Variants in CSTPP1 observed in about 807,000 individuals in gnomAD.
CSTPP1 encodes UPF0705 protein C11orf49.
At chr11:47,082,465 T>C in the CSTPP1 span, among the ~76,000 whole-genome samples, 1 of 134,680 alleles carries the variant, frequency 7.4e-6, no homozygotes, top group East Asian at 2.2e-4. Context: ...AAAAACTCAG[T>C]AGAAGATTGA....
At chr11:47,035,427 T>C in the CSTPP1 span, among the ~76,000 whole-genome samples, 1 of 152,214 alleles carries the variant, frequency 6.6e-6, no homozygotes, top group Non-Finnish European at 1.5e-5. Flanking sequence ...GATACACAAT[T>C]TACTGGAGAA....
chr11:47,160,765 T>G, the CSTPP1 span: 1 of 207,394 alleles, frequency 4.8e-6, no homozygotes. Context: ...TGTCTGACCT[T>G]TGGGCTTAGC....
At chr11:47,075,747 C>T in the CSTPP1 span, among the ~76,000 whole-genome samples, 12,281 of 151,564 alleles carry the variant, frequency 0.081, 512 homozygotes, top group Non-Finnish European at 0.089. Flanking sequence ...GGTTAAGCCC[C>T]GTCTCTACAA....
At chr11:47,000,024 C>T in the CSTPP1 span, among the ~76,000 whole-genome samples, 1 of 152,180 alleles carries the variant, frequency 6.6e-6, no homozygotes, top group Non-Finnish European at 1.5e-5. Context: ...TCTGGACACT[C>T]TTGAAAGACG....
chr11:47,046,965 A>G, the CSTPP1 span, among the ~76,000 whole-genome samples: 1 of 151,110 alleles, frequency 6.6e-6, no homozygotes, highest in South Asian at 2.1e-4. Context: ...CAGTGGCTCA[A>G]TCTCAGCTCA....
At chr11:47,057,952 A>C in the CSTPP1 span, among the ~76,000 whole-genome samples, 1 of 152,214 alleles carries the variant, frequency 6.6e-6, no homozygotes, top group African/African-American at 2.4e-5. Flanking sequence ...AATGCTATAT[A>C]AGAACAAAAT....
chr11:46,978,352 T>C, the CSTPP1 span, among the ~76,000 whole-genome samples: 1 of 152,172 alleles, frequency 6.6e-6, no homozygotes, highest in East Asian at 1.9e-4. Flanking sequence ...ACAAAGAAGG[T>C]GGCATTTGAG....
At chr11:46,973,736 T>G in the CSTPP1 span, among the ~76,000 whole-genome samples, 16 of 152,064 alleles carry the variant, frequency 1.1e-4, no homozygotes, top group South Asian at 2.1e-4. Context: ...AATATAATCT[T>G]TATGCCAGTG....
chr11:47,117,186 G>A, the CSTPP1 span, among the ~76,000 whole-genome samples: 13 of 152,236 alleles, frequency 8.5e-5, no homozygotes, highest in East Asian at 2.3e-3. Context: ...TAAGATGTTC[G>A]CTGGTTATTT....
chr11:47,039,763 C>T, the CSTPP1 span, among the ~76,000 whole-genome samples: 3 of 128,122 alleles, frequency 2.3e-5, no homozygotes, highest in African/African-American at 4.9e-5. Flanking sequence ...GGCATGAACC[C>T]GGGAGGCGGA....
the CSTPP1 span, among the ~76,000 whole-genome samples, chr11:47,061,851 A>C: frequency 1.3e-5 from 2 of 152,250 alleles, no homozygotes; most frequent in East Asian, 3.9e-4. Flanking sequence ...GAAAATTGAC[A>C]ATTGATGGCC....
the CSTPP1 span, among the ~76,000 whole-genome samples, chr11:47,072,999 A>G: frequency 6.6e-6 from 1 of 152,228 alleles, no homozygotes; most frequent in Non-Finnish European, 1.5e-5. Flanking sequence ...TTACATGCAT[A>G]CAAAAATATT....
the CSTPP1 span, among the ~76,000 whole-genome samples, chr11:47,109,956 C>T: frequency 6.6e-6 from 1 of 151,846 alleles, no homozygotes; most frequent in Admixed American, 6.6e-5. Context: ...GGTCTTTGCC[C>T]TTCCTTCTTT....
chr11:46,999,406 CAG>C, the CSTPP1 span, among the ~76,000 whole-genome samples: 1 of 152,100 alleles, frequency 6.6e-6, no homozygotes, highest in Non-Finnish European at 1.5e-5. Flanking sequence ...TGTTAAGTGA[CAG>C]ACTCAGGAAT....
the CSTPP1 span, among the ~76,000 whole-genome samples, chr11:47,084,652 TCTC>T: frequency 1.3e-5 from 2 of 152,196 alleles, no homozygotes; most frequent in Non-Finnish European, 2.9e-5. Flanking sequence ...AGACTTTCCT[TCTC>T]CTACTTGTTG....
At chr11:47,063,961 GT>G in the CSTPP1 span, among the ~76,000 whole-genome samples, 1 of 152,110 alleles carries the variant, frequency 6.6e-6, no homozygotes, top group Non-Finnish European at 1.5e-5. Flanking sequence ...AAGGGTTCCA[GT>G]TTCTCCACAT....
At chr11:47,052,768 A>C in the CSTPP1 span, 1 of 356,656 alleles carries the variant, frequency 2.8e-6, no homozygotes, top group Non-Finnish European at 5.1e-6. Context: ...GGTACCTATT[A>C]AGAGCCAAGT....
chr11:47,121,288 A>T, the CSTPP1 span, among the ~76,000 whole-genome samples: 2 of 152,180 alleles, frequency 1.3e-5, no homozygotes, highest in Admixed American at 1.3e-4. Flanking sequence ...AGCTTGTTAA[A>T]ACTGCGAGTA....
At chr11:47,081,111 G>C in the CSTPP1 span, among the ~76,000 whole-genome samples, 1 of 151,886 alleles carries the variant, frequency 6.6e-6, no homozygotes, top group Non-Finnish European at 1.5e-5. Context: ...TGGACATATG[G>C]AAAGGCATGG....
Sources: gnomAD v4.1 joint callset for allele counts (sites outside exome capture counted in the v4.1 genomes callset) on GRCh38, gnomAD v4.1.1 for gene constraint, MANE v1.5 for transcripts, NCBI Gene and HGNC (gene_info 2026-07-23, HGNC 2026-07-21) for gene names.